Variants in HLCS observed in about 807,000 individuals in gnomAD.
HLCS encodes biotin--protein ligase.
Under a neutral mutation model 75.0 loss-of-function variants are expected in HLCS, and 53 were observed. That is an observed-to-expected ratio of 0.71 (90% CI 0.57 to 0.89). The LOEUF (loss-of-function observed/expected upper bound fraction) is 0.89. HLCS is among the 40% of genes least tolerant of loss of function. HLCS has a pLI of 0.00. For synonymous variants in HLCS, 431 were observed against 428.6 expected (o/e 1.01, Z -0.07); for missense variants, 966 against 1,074.0 (o/e 0.90, Z 1.41).
chr21:36,885,288 C>T (rs2064399814), intron 6 of HLCS, among the ~76,000 whole-genome samples: 1 of 152,136 alleles, frequency 6.6e-6, no homozygotes, highest in Non-Finnish European at 1.5e-5. Flanking sequence ...GGGAGGATCG[C>T]TTAAATTCAA....
In HLCS at chr21:36,752,592, CTAAT is replaced by C. The variant is rs1236958477; in HGVS notation, c.*1650_*1653del. The C allele has an allele frequency of 2.0e-5, 3 of 152,570 alleles. No individual in the cohort carries two copies. Among genetic ancestry groups the C allele is most frequent in the Admixed American group, 6.5e-5 (1 of 15,280 alleles). The allele number at this position is 152,570 out of a possible 1,614,324, so 9.5% of individuals were successfully genotyped here. A position where few individuals can be genotyped will look rare whatever the true frequency, so the allele number is the denominator to read the frequency against. ...ACTTGTATTTTACTTAAGTTTCTAA[CTAAT>C]TTTGAAAGAAGGCTTGGGCATTTGG... On this transcript the variant is annotated 3_prime_UTR_variant, in exon 11 of 11. Coordinates refer to ENST00000674895, the MANE Select transcript of HLCS (RefSeq NM_001352514.2).
intron 4 of HLCS, among the ~76,000 whole-genome samples, chr21:36,932,112 C>T (rs1267520598): frequency 2.6e-5 from 4 of 152,320 alleles, no homozygotes; most frequent in African/African-American, 7.2e-5. Context: ...GTTCCAGCCA[C>T]GCGGCCACCC....
intron 8 of HLCS, 88 bp downstream of exon 8, chr21:36,764,924 C>A: frequency 6.9e-7 from 1 of 1,441,450 alleles, no homozygotes; most frequent in Admixed American, 1.7e-5. Flanking sequence ...TCTACAGCCA[C>A]CAATTATGCA....
rs1198548955 is a variant in HLCS at position 36,930,432 on chromosome 21, A to T, written c.1439T>A (p.Val480Glu). 2 of 1,613,458 alleles carry T rather than the reference A, an allele frequency of 1.2e-6. No homozygotes were observed. Among genetic ancestry groups the T allele is most frequent in the Non-Finnish European group, 1.7e-6 (2 of 1,179,364 alleles). Residue 480 changes from valine to glutamate, a missense_variant and splice_region_variant, in exon 5 of 11, where the codon GTG becomes GAG. Val to Glu is a moderately radical substitution (Grantham distance 121, BLOSUM62 -2). Coordinates refer to ENST00000674895, the MANE Select transcript of HLCS (RefSeq NM_001352514.2). Reference sequence around the variant, plus strand: ...GGAGCTGGGAGGTAGTTCTAAGTGCACCTGAAGGGGAAAGATAGCACTATG... The same window carrying T: ...GGAGCTGGGAGGTAGTTCTAAGTGCTCCTGAAGGGGAAAGATAGCACTATG... ...TRGGEAVLCQ[V>E]HLELPPSSNI... is the part of the protein sequence containing the mutation.
chr21:36,868,327 A>G (rs192150176), intron 6 of HLCS, among the ~76,000 whole-genome samples: 1 of 146,298 alleles, frequency 6.8e-6, no homozygotes, highest in East Asian at 2.1e-4. Flanking sequence ...CTATATTAAC[A>G]CCATATCAAA....
At chr21:36,909,759 C>A (rs769823484) in intron 5 of HLCS, among the ~76,000 whole-genome samples, 1 of 152,148 alleles carries the variant, frequency 6.6e-6, no homozygotes, top group East Asian at 1.9e-4. Context: ...CACTTTAGAG[C>A]GGTTCCACCC....
chr21:36,895,425 G>A (rs2064973566), intron 6 of HLCS, among the ~76,000 whole-genome samples: 3 of 152,080 alleles, frequency 2.0e-5, no homozygotes, highest in Admixed American at 2.0e-4. Context: ...GGGGTGAGGT[G>A]GAAACAGGAG....
Position 36,828,059 on chromosome 21 carries a change from T to C in HLCS, c.1893-60774A>G, listed in dbSNP as rs376942275. On this transcript the variant is annotated intron_variant, in intron 6 of 10. Coordinates refer to ENST00000674895, the MANE Select transcript of HLCS (RefSeq NM_001352514.2). ...TGATCTCCTGACCTCGTGATCTGCC[T>C]GCCTTGGCCCCCCAAAGTGCTGGGA... Among the ~76,000 whole-genome samples the C allele has an allele frequency of 9.8e-4, 149 of 152,234 alleles. 1 individual carries two copies. Among genetic ancestry groups the C allele is most frequent in the African/African-American group, 3.4e-3 (143 of 41,536 alleles).
chr21:36,752,261 C>CTT lies in HLCS; in HGVS notation c.*1983_*1984dup, dbSNP rs2123543591. On this transcript the variant is annotated 3_prime_UTR_variant, in exon 11 of 11. Transcript: ENST00000674895. ...AGTATGCCCGGAACATCTCCATAGC[C>CTT]TTTGACAAGGCCACACTTCATTAGT... 6.5e-6 allele frequency: 1 copy of CTT among 152,756 alleles called. No individual in the cohort carries two copies. Among genetic ancestry groups the CTT allele is most frequent in the Non-Finnish European group, 1.5e-5 (1 of 68,034 alleles). The allele number at this position is 152,756 out of a possible 1,614,324, so 9.5% of individuals were successfully genotyped here.
chr21:36,926,741 CTTTTTTTT>C (rs34057978), intron 5 of HLCS, among the ~76,000 whole-genome samples: 2 of 127,068 alleles, frequency 1.6e-5, no homozygotes, highest in Non-Finnish European at 3.3e-5. Flanking sequence ...GTCTTGTTTC[CTTTTTTTT>C]TTTTTTTTTT....
At chr21:36,803,595 A>C (rs1457581213) in intron 6 of HLCS, among the ~76,000 whole-genome samples, 1 of 152,218 alleles carries the variant, frequency 6.6e-6, no homozygotes, top group Non-Finnish European at 1.5e-5. Flanking sequence ...GGCTGTAAGA[A>C]GTATCCCGCA....
intron 6 of HLCS, among the ~76,000 whole-genome samples, chr21:36,819,032 A>G (rs756450981): frequency 6.6e-6 from 1 of 152,194 alleles, no homozygotes; most frequent in Non-Finnish European, 1.5e-5. Context: ...CAGAAACACC[A>G]AGGACGAAAT....
intron 10 of HLCS, among the ~76,000 whole-genome samples, chr21:36,755,062 A>C (rs148794322): frequency 0.014 from 2,200 of 152,300 alleles, 25 homozygotes; most frequent in Middle Eastern, 0.034. Context: ...CTTCACACAT[A>C]AACACACACA....
intron 1 of HLCS, among the ~76,000 whole-genome samples, chr21:36,988,422 G>A (rs1225649294): frequency 6.6e-6 from 1 of 152,168 alleles, no homozygotes; most frequent in African/African-American, 2.4e-5. Flanking sequence ...GCATTGTGTG[G>A]ATGTACCAGG....
chr21:36,923,397 C>T (rs965639433), intron 5 of HLCS, among the ~76,000 whole-genome samples: 13 of 152,114 alleles, frequency 8.5e-5, no homozygotes, highest in African/African-American at 2.7e-4. Context: ...TATAAATAGA[C>T]GGAGGAAAGA....
chr21:36,912,442 A>C (rs1012692902), intron 5 of HLCS, among the ~76,000 whole-genome samples: 1 of 152,214 alleles, frequency 6.6e-6, no homozygotes, highest in African/African-American at 2.4e-5. Context: ...AGAATAGGAA[A>C]ATTCATAAAA....
At chr21:36,863,005 C>G (rs1037180346) in intron 6 of HLCS, among the ~76,000 whole-genome samples, 2 of 149,836 alleles carry the variant, frequency 1.3e-5, no homozygotes, top group Non-Finnish European at 2.9e-5. Context: ...CTCAAGCGAT[C>G]CTCCCACTTC....
chr21:36,980,195 T>TAAA (rs1221731136), intron 1 of HLCS, among the ~76,000 whole-genome samples: 31 of 97,174 alleles, frequency 3.2e-4, no homozygotes, highest in Non-Finnish European at 1.8e-4. Flanking sequence ...CTGACTATAT[T>TAAA]TAAAAAAAAA....
intron 6 of HLCS, among the ~76,000 whole-genome samples, chr21:36,795,208 G>A (rs530977073): frequency 3.9e-5 from 6 of 152,238 alleles, no homozygotes; most frequent in South Asian, 4.1e-4. Flanking sequence ...TAGCAAACAC[G>A]AAGCATGGTG....
Sources: gnomAD v4.1 joint callset for allele counts (sites outside exome capture counted in the v4.1 genomes callset) on GRCh38, gnomAD v4.1.1 for gene constraint, MANE v1.5 for transcripts, NCBI Gene and HGNC (gene_info 2026-07-23, HGNC 2026-07-21) for gene names.